Variants in ESCO2 observed in about 807,000 individuals in gnomAD.
The protein encoded by ESCO2 is N-acetyltransferase ESCO2.
A neutral mutation model predicts 61.7 loss-of-function variants in ESCO2; 51 were observed. That is an observed-to-expected ratio of 0.83 (90% CI 0.66 to 1.04). ESCO2 has a LOEUF of 1.04. Among genes scored for constraint, ESCO2 ranks in the 50% least tolerant of loss-of-function variants. The pLI, the probability that ESCO2 is intolerant of heterozygous loss-of-function variation, is 0.00. For synonymous variants in ESCO2, 230 were observed against 238.2 expected (o/e 0.97, Z 0.32); for missense variants, 692 against 686.2 (o/e 1.01, Z -0.09).
downstream of ESCO2, among the ~76,000 whole-genome samples, chr8:27,816,367 T>A (rs181804144): frequency 0.024 from 2,553 of 105,480 alleles, 93 homozygotes; most frequent in East Asian, 0.18. Flanking sequence ...ATTTATTTAT[T>A]TATTTATTTA....
chr8:27,795,603 G>T (rs996135564), intron 9 of ESCO2, among the ~76,000 whole-genome samples: 4 of 152,178 alleles, frequency 2.6e-5, no homozygotes, highest in African/African-American at 9.7e-5. Context: ...AAGAGGAAAA[G>T]ATTTCCACTT....
the ESCO2 span, among the ~76,000 whole-genome samples, chr8:27,818,986 C>G: frequency 6.6e-6 from 1 of 152,146 alleles, no homozygotes; most frequent in Non-Finnish European, 1.5e-5. Flanking sequence ...CTCACTAATA[C>G]AAAAATGTCA....
At chr8:27,814,396 G>A (rs1340391753), downstream of ESCO2, among the ~76,000 whole-genome samples, 1 of 151,948 alleles carries the variant, frequency 6.6e-6, no homozygotes, top group African/African-American at 2.4e-5. Context: ...CATTCCTGTT[G>A]TTGGTGACTT....
At chr8:27,784,358 A>T in intron 5 of ESCO2, among the ~76,000 whole-genome samples, 1 of 152,180 alleles carries the variant, frequency 6.6e-6, no homozygotes, top group East Asian at 1.9e-4. Flanking sequence ...AATTTTCACA[A>T]CAACTTAGAA....
chr8:27,775,980 C>A (rs770681212), intron 2 of ESCO2, among the ~76,000 whole-genome samples: 1 of 152,114 alleles, frequency 6.6e-6, no homozygotes, highest in East Asian at 1.9e-4. Flanking sequence ...AATTACTCTA[C>A]CCAGGAAAAG....
At chr8:27,806,620 CTT>C (rs398067714), downstream of ESCO2, among the ~76,000 whole-genome samples, 1,443 of 136,026 alleles carry the variant, frequency 0.011, 25 homozygotes, top group African/African-American at 0.035. Flanking sequence ...TGGATACTTT[CTT>C]TTTTTTTTTT....
rs759992324 is a variant in ESCO2 at position 27,791,943 on chromosome 8, CT to C, written c.1264-16del. ...CCTCTTCACAAATTAAACTGTGACC[CT>C]TTTGTTTTCCTTTGGCAGGGTTGGA... On this transcript the variant is annotated intron_variant, in intron 7 of 10. Transcript: ENST00000305188. 1.2e-6 allele frequency: 2 copies of C among 1,611,912 alleles called. No homozygotes were observed. Among genetic ancestry groups the C allele is most frequent in the South Asian group, 1.1e-5 (1 of 91,008 alleles).
At chr8:27,775,429 A>G in intron 1 of ESCO2, 70 bp from the exon 2 acceptor site, 1 of 1,310,924 alleles carries the variant, frequency 7.6e-7, no homozygotes, top group Non-Finnish European at 1.1e-6. Context: ...TAGACTAATT[A>G]AAGGGGGTAT....
At chr8:27,810,295 G>C (rs370636900), downstream of ESCO2, 2 of 1,585,766 alleles carry the variant, frequency 1.3e-6, no homozygotes, top group Non-Finnish European at 1.7e-6. Flanking sequence ...CACTTCAGCT[G>C]AGATGATCAC....
downstream of ESCO2, chr8:27,811,291 T>A: frequency 1.6e-6 from 1 of 644,590 alleles, no homozygotes; most frequent in South Asian, 1.9e-5. Context: ...TAAGGATTAC[T>A]TTCTACCTTT....
downstream of ESCO2, among the ~76,000 whole-genome samples, chr8:27,813,146 G>A (rs1187919527): frequency 6.6e-6 from 1 of 152,160 alleles, no homozygotes; most frequent in Non-Finnish European, 1.5e-5. Context: ...CCATAAAAAA[G>A]GATGAGTTCA....
downstream of ESCO2, among the ~76,000 whole-genome samples, chr8:27,817,340 C>A (rs1585424760): frequency 6.6e-6 from 1 of 152,120 alleles, no homozygotes. Flanking sequence ...CAGCACTGCT[C>A]TAGAAAGTCT....
chr8:27,795,052 G>A (rs924830827), intron 9 of ESCO2, among the ~76,000 whole-genome samples: 2 of 152,152 alleles, frequency 1.3e-5, no homozygotes, highest in South Asian at 2.1e-4. Flanking sequence ...TTGTATTTTT[G>A]TGGAAATGCC....
chr8:27,792,412 G>T (rs1161461886), intron 8 of ESCO2, among the ~76,000 whole-genome samples: 1 of 152,064 alleles, frequency 6.6e-6, no homozygotes, highest in Non-Finnish European at 1.5e-5. Flanking sequence ...CTGTTTTAAT[G>T]CTTCCTATTC....
At chr8:27,780,657 G>A (rs1563471189) in intron 4 of ESCO2, among the ~76,000 whole-genome samples, 4 of 152,128 alleles carry the variant, frequency 2.6e-5, no homozygotes, top group African/African-American at 9.7e-5. Flanking sequence ...AACTTACTAA[G>A]TTTTATAAGT....
At chr8:27,785,430 A>G (rs553076318) in intron 5 of ESCO2, among the ~76,000 whole-genome samples, 83 of 152,322 alleles carry the variant, frequency 5.4e-4, no homozygotes, top group Admixed American at 1.2e-3. Flanking sequence ...GGCCAGGCGC[A>G]GTGGCTCATG....
At chr8:27,782,247 GAAAT>G (rs1205289221) in intron 4 of ESCO2, among the ~76,000 whole-genome samples, 1 of 152,098 alleles carries the variant, frequency 6.6e-6, no homozygotes, top group East Asian at 1.9e-4. Flanking sequence ...ACCCCTGTGA[GAAAT>G]AACCAATTAG....
At chr8:27,808,695 A>G (rs2128960253), downstream of ESCO2, among the ~76,000 whole-genome samples, 2 of 151,768 alleles carry the variant, frequency 1.3e-5, no homozygotes, top group Middle Eastern at 6.8e-3. Context: ...AAAAAAAAAA[A>G]AAAAAAAAGC....
chr8:27,800,742 TAAC>T (rs975653167), intron 10 of ESCO2, among the ~76,000 whole-genome samples: 1 of 152,184 alleles, frequency 6.6e-6, no homozygotes, highest in Non-Finnish European at 1.5e-5. Flanking sequence ...GATACAATAA[TAAC>T]AATGGGATGT....
Sources: gnomAD v4.1 joint callset for allele counts (sites outside exome capture counted in the v4.1 genomes callset) on GRCh38, gnomAD v4.1.1 for gene constraint, MANE v1.5 for transcripts, NCBI Gene and HGNC (gene_info 2026-07-23, HGNC 2026-07-21) for gene names.